The following FBXW2 variants were observed in gnomAD, a reference collection of about 807,000 sequenced individuals.
FBXW2 encodes the protein F-box and WD repeat domain containing 2.
In FBXW2, 12 loss-of-function variants were observed where a neutral mutation model predicts 46.0. That is an observed-to-expected ratio of 0.26 (90% CI 0.17 to 0.42). The LOEUF is 0.42. Ranked by LOEUF, FBXW2 falls within the 10% of genes least tolerant of loss-of-function variation. The pLI is 1.00. For synonymous variants in FBXW2, 203 were observed against 209.6 expected, an observed-to-expected ratio of 0.97 and a Z score of 0.27; for missense variants, 360 against 537.0, an observed-to-expected ratio of 0.67 and a Z score of 3.26.
Position 120,793,229 on chromosome 9 carries a change from C to A in FBXW2, c.-101G>T. On this transcript the variant is annotated 5_prime_UTR_variant, in exon 2 of 8. Coordinates refer to ENST00000608872, the MANE Select transcript of FBXW2 (RefSeq NM_012164.4). ...CGCTCGGACCGCCAGAGCCTTGCAG[C>A]GGCCGGGTCCGCTCCGCAGCCATGG... The A allele has an allele frequency of 1.9e-6, 1 of 517,230 alleles. No homozygotes were observed. Among genetic ancestry groups the A allele is most frequent in the Middle Eastern group, 4.9e-4 (1 of 2,034 alleles). The allele number at this position is 517,230 out of a possible 1,614,324, so 32.0% of individuals were successfully genotyped here.
chr9:120,785,630 A>T (rs2044703689), intron 3 of FBXW2, among the ~76,000 whole-genome samples: 1 of 152,202 alleles, frequency 6.6e-6, no homozygotes, highest in Non-Finnish European at 1.5e-5. Flanking sequence ...TCAACATTAA[A>T]AATATTTAAA....
chr9:120,758,798 G>A lies in FBXW2; in HGVS notation c.*5761C>T, dbSNP rs767483743. The stretch of plus-strand genomic sequence containing the variant: ...TGGTACTCAAATGACAAGAAGCCCC[G>A]TAAGTTTAAGTTAGTAAGAAAGAAC... On this transcript the variant is annotated 3_prime_UTR_variant, in exon 8 of 8. Transcript: ENST00000608872. 4.6e-5 allele frequency: 7 copies of A among 152,152 alleles called. No homozygotes were observed. The highest frequency in any genetic ancestry group is 7.2e-5 in the African/African-American group (3 of 41,414). The allele number at this position is 152,152 out of a possible 1,614,324, so 9.4% of individuals were successfully genotyped here.
chr9:120,787,406 A>C (rs1448573236), intron 3 of FBXW2, among the ~76,000 whole-genome samples: 1 of 152,240 alleles, frequency 6.6e-6, no homozygotes, highest in Admixed American at 6.5e-5. Context: ...AGGATTAGAT[A>C]CCAATTTTTC....
chr9:120,786,416 A>G (rs2044724881), intron 3 of FBXW2, among the ~76,000 whole-genome samples: 1 of 152,150 alleles, frequency 6.6e-6, no homozygotes, highest in African/African-American at 2.4e-5. Context: ...GCCTTCCGCC[A>G]TGATCATATT....
chr9:120,768,284 A>G (rs1478210588), intron 7 of FBXW2, among the ~76,000 whole-genome samples: 1 of 152,186 alleles, frequency 6.6e-6, no homozygotes, highest in Admixed American at 6.5e-5. Flanking sequence ...CAGGGCCTCA[A>G]AGTACTCTGT....
rs747246908 is a variant in FBXW2 at position 120,778,359 on chromosome 9, G to A, written c.677C>T (p.Thr226Met). Reference protein sequence around the residue: ...GARTQHFRGHTGAVFSVDYND... With the variant: ...GARTQHFRGHMGAVFSVDYND... Reference sequence around the variant, plus strand: ...GAAAAAGGGCAACCCACCCGCCCCCGTGTGCCCCCGAAAGTGCTGGGTCCT... The same window carrying A: ...GAAAAAGGGCAACCCACCCGCCCCCATGTGCCCCCGAAAGTGCTGGGTCCT... Residue 226 changes from threonine (T) to methionine (M), a missense_variant, in exon 4 of 8, where the codon ACG becomes ATG. By Grantham distance (81) the Thr-to-Met change is moderately conservative. Transcript: ENST00000608872. 17 of 1,054,444 alleles carry A rather than the reference G, an allele frequency of 1.6e-5. No individual in the cohort carries two copies. The highest frequency in any genetic ancestry group is 8.1e-5 in the East Asian group (2 of 24,808). 65.3% of individuals were successfully genotyped at this position (1,054,444 alleles called of 1,614,324 possible).
chr9:120,781,691 T>C (rs867504058), intron 3 of FBXW2, among the ~76,000 whole-genome samples: 5 of 138,104 alleles, frequency 3.6e-5, no homozygotes, highest in East Asian at 2.3e-4. Context: ...CACACACACA[T>C]ATATACATAC....
intron 6 of FBXW2, 22 bp downstream of exon 6, chr9:120,772,732 A>C (rs2044405995): frequency 6.7e-7 from 1 of 1,497,334 alleles, no homozygotes; most frequent in Non-Finnish European, 9.0e-7. Flanking sequence ...AATGAAGCAA[A>C]TTAATGGAGA....
intron 7 of FBXW2, among the ~76,000 whole-genome samples, chr9:120,769,992 T>C (rs927497156): frequency 1.3e-5 from 2 of 151,798 alleles, no homozygotes; most frequent in African/African-American, 4.8e-5. Flanking sequence ...AATGGGGTTG[T>C]AACTTTGTGA....
intron 3 of FBXW2, among the ~76,000 whole-genome samples, chr9:120,782,653 G>C (rs2044640153): frequency 6.6e-6 from 1 of 151,948 alleles, no homozygotes; most frequent in Non-Finnish European, 1.5e-5. Flanking sequence ...ATCATCCTGG[G>C]AAACATGGTG....
At chr9:120,781,158 T>C (rs540199445) in intron 3 of FBXW2, among the ~76,000 whole-genome samples, 148 of 152,302 alleles carry the variant, frequency 9.7e-4, no homozygotes, top group Non-Finnish European at 1.9e-3. Flanking sequence ...GGCCTGATAG[T>C]AAGTATTTTA....
intron 5 of FBXW2, among the ~76,000 whole-genome samples, chr9:120,774,992 T>A (rs1265191569): frequency 6.6e-6 from 1 of 152,200 alleles, no homozygotes; most frequent in African/African-American, 2.4e-5. Flanking sequence ...TTTCCACAGC[T>A]ATCTCCTATT....
chr9:120,761,224 T>C lies in FBXW2; in HGVS notation c.*3335A>G, dbSNP rs1186094840. ...ATTCCTTTGGAATGATGACAGAATC[T>C]ATCAGAAACTTCACACATCCACTCA... On this transcript the variant is annotated 3_prime_UTR_variant, in exon 8 of 8. Coordinates refer to ENST00000608872, the MANE Select transcript of FBXW2 (RefSeq NM_012164.4). 1.3e-5 allele frequency: 2 copies of C among 152,236 alleles called. No individual in the cohort carries two copies. Among genetic ancestry groups the C allele is most frequent in the Non-Finnish European group, 2.9e-5 (2 of 68,042 alleles). The allele number at this position is 152,236 out of a possible 1,614,324, so 9.4% of individuals were successfully genotyped here.
intron 5 of FBXW2, 111 bp downstream of exon 5, chr9:120,775,982 C>G (rs1010001833): frequency 7.7e-7 from 1 of 1,306,170 alleles, no homozygotes; most frequent in Non-Finnish European, 1.1e-6. Flanking sequence ...TTTGTAGGTA[C>G]AGCAATTCCA....
chr9:120,774,684 G>T (rs948550081), intron 5 of FBXW2, among the ~76,000 whole-genome samples: 6 of 152,170 alleles, frequency 3.9e-5, no homozygotes, highest in Non-Finnish European at 5.9e-5. Flanking sequence ...TGGTCACCCT[G>T]TATCCACTTG....
At position 120,776,133 on chromosome 9, in the gene FBXW2, C is replaced by T; in HGVS notation, c.779G>A (p.Cys260Tyr). ...VKVWALSAGT[C>Y]LNTLTGHTEW... ...CGTGTGCCCGGTGAGTGTGTTCAGGCATGTCCCAGCAGATAAAGCCCATAC... is the reference window on the plus strand; with the variant it reads ...CGTGTGCCCGGTGAGTGTGTTCAGGTATGTCCCAGCAGATAAAGCCCATAC... The change falls in exon 5 of 8, where the codon TGC becomes TAC. Residue 260 changes from cysteine (C) to tyrosine (Y), a missense_variant. Transcript: ENST00000608872. 1 of 1,614,140 alleles carries T rather than the reference C, an allele frequency of 6.2e-7. No individual in the cohort carries two copies. Among genetic ancestry groups the T allele is most frequent in the South Asian group, 1.1e-5 (1 of 91,074 alleles).
chr9:120,782,272 C>T (rs35634490), intron 3 of FBXW2, among the ~76,000 whole-genome samples: 18,315 of 151,424 alleles, frequency 0.12, 1,258 homozygotes, highest in Middle Eastern at 0.17. Flanking sequence ...TTGAGACCAG[C>T]CTGGCCAACA....
intron 4 of FBXW2, chr9:120,776,444 ATC>A: frequency 2.0e-6 from 1 of 512,618 alleles, no homozygotes. Flanking sequence ...GAATAATACA[ATC>A]TCTTTTATTT....
intron 6 of FBXW2, 110 bp from the exon 7 acceptor site, chr9:120,771,627 A>T: frequency 3.3e-6 from 3 of 904,698 alleles, no homozygotes; most frequent in Non-Finnish European, 4.9e-6. Flanking sequence ...AGTATACTGG[A>T]AAGACCCCAG....
Sources: gnomAD v4.1 joint callset for allele counts (sites outside exome capture counted in the v4.1 genomes callset) on GRCh38, gnomAD v4.1.1 for gene constraint, MANE v1.5 for transcripts, NCBI Gene and HGNC (gene_info 2026-07-23, HGNC 2026-07-21) for gene names.